Variants in GALNT13 observed in about 807,000 individuals in gnomAD.
GALNT13 encodes the protein UDP-GalNAc:polypeptide N-acetylgalactosaminyltransferase 13.
A neutral mutation model predicts 64.2 loss-of-function variants in GALNT13; 28 were observed. The ratio of observed to expected loss-of-function variants is 0.44; its 90% CI spans 0.32 to 0.60. The LOEUF (loss-of-function observed/expected upper bound fraction) is 0.60. GALNT13 is among the 20% of genes least tolerant of loss of function. The pLI is 0.05. For missense variants in GALNT13, 577 were observed against 669.8 expected, an observed-to-expected ratio of 0.86 and a Z score of 1.53; for synonymous variants, 214 against 224.6, an observed-to-expected ratio of 0.95 and a Z score of 0.42.
intron 10 of GALNT13, among the ~76,000 whole-genome samples, chr2:154,404,575 G>A (rs920436847): frequency 9.2e-5 from 14 of 152,146 alleles, no homozygotes; most frequent in Admixed American, 2.0e-4. Context: ...ATGAGAAATT[G>A]TTTCAGGCCA....
chr2:153,505,998 G>A, the GALNT13 span, among the ~76,000 whole-genome samples: 1 of 152,160 alleles, frequency 6.6e-6, no homozygotes, highest in Non-Finnish European at 1.5e-5. Flanking sequence ...CTTATGTCTT[G>A]TAATAATTGT....
At chr2:153,831,295 C>T in the GALNT13 span, among the ~76,000 whole-genome samples, 2 of 152,112 alleles carry the variant, frequency 1.3e-5, no homozygotes, top group Non-Finnish European at 2.9e-5. Context: ...CTCCTTAATG[C>T]TGGAGGTAGG....
intron 3 of GALNT13, among the ~76,000 whole-genome samples, chr2:154,004,379 T>C (rs750674750): frequency 6.6e-6 from 1 of 152,204 alleles, no homozygotes; most frequent in East Asian, 1.9e-4. Flanking sequence ...CTAATTTTTG[T>C]ATTTTTAGTA....
the GALNT13 span, among the ~76,000 whole-genome samples, chr2:153,379,223 A>G: frequency 2.0e-5 from 3 of 152,192 alleles, no homozygotes; most frequent in East Asian, 1.9e-4. Context: ...AATATTAGCC[A>G]AATAATGTTG....
intron 3 of GALNT13, among the ~76,000 whole-genome samples, chr2:154,106,087 C>T (rs1471112890): frequency 6.6e-6 from 1 of 152,068 alleles, no homozygotes; most frequent in African/African-American, 2.4e-5. Flanking sequence ...GGTAGATGTC[C>T]TTTGTCAGAT....
the GALNT13 span, among the ~76,000 whole-genome samples, chr2:153,212,115 T>C: frequency 6.6e-6 from 1 of 152,218 alleles, no homozygotes; most frequent in African/African-American, 2.4e-5. Context: ...CACATCCTAC[T>C]GTCAAATCCC....
the GALNT13 span, among the ~76,000 whole-genome samples, chr2:153,669,392 C>A: frequency 6.6e-6 from 1 of 152,330 alleles, no homozygotes; most frequent in East Asian, 1.9e-4. Flanking sequence ...ACACTGCTGT[C>A]TATTGGGTAT....
the GALNT13 span, among the ~76,000 whole-genome samples, chr2:153,085,792 G>A: frequency 2.0e-5 from 3 of 152,160 alleles, no homozygotes; most frequent in African/African-American, 7.2e-5. Context: ...ATTGCCTAAT[G>A]GAGCTGTGAG....
the GALNT13 span, among the ~76,000 whole-genome samples, chr2:153,816,294 T>A: frequency 2.0e-5 from 3 of 151,984 alleles, no homozygotes; most frequent in South Asian, 6.2e-4. Flanking sequence ...TGAGGAGATG[T>A]GTGGGTGGAG....
intron 2 of GALNT13, among the ~76,000 whole-genome samples, chr2:153,943,139 A>AGTAGTATAAATAAAATGCTCAAT (rs1193369054): frequency 1.3e-5 from 2 of 152,208 alleles, no homozygotes; most frequent in Non-Finnish European, 2.9e-5. Flanking sequence ...AAACAAATGT[A>AGTAGTATAAATAAAATGCTCAAT]GTAGTATAAA....
intron 8 of GALNT13, among the ~76,000 whole-genome samples, chr2:154,260,949 A>G (rs917792687): frequency 4.0e-5 from 6 of 151,890 alleles, no homozygotes; most frequent in Non-Finnish European, 8.8e-5. Flanking sequence ...TTTCCTCCCT[A>G]CCTGTTAAGC....
At chr2:154,235,132 C>T (rs1272898629) in intron 4 of GALNT13, among the ~76,000 whole-genome samples, 1 of 152,024 alleles carries the variant, frequency 6.6e-6, no homozygotes, top group African/African-American at 2.4e-5. Flanking sequence ...CCCAATGACC[C>T]TCTCACCCCA....
At chr2:153,647,220 A>T in the GALNT13 span, among the ~76,000 whole-genome samples, 1 of 152,164 alleles carries the variant, frequency 6.6e-6, no homozygotes, top group East Asian at 1.9e-4. Flanking sequence ...GCCAGTGATG[A>T]TGAGCATTTT....
the GALNT13 span, among the ~76,000 whole-genome samples, chr2:153,127,803 CAG>C: frequency 6.6e-6 from 1 of 152,096 alleles, no homozygotes; most frequent in African/African-American, 2.4e-5. Context: ...TTTTGTATAA[CAG>C]ATAATTTTTG....
chr2:153,796,335 C>T, the GALNT13 span, among the ~76,000 whole-genome samples: 3 of 152,148 alleles, frequency 2.0e-5, no homozygotes. Context: ...GTGCCACACA[C>T]AAAACATGCG....
the GALNT13 span, among the ~76,000 whole-genome samples, chr2:153,126,315 TATATATATATATATATA>T: frequency 1.2e-4 from 3 of 24,818 alleles, no homozygotes; most frequent in Non-Finnish European, 1.0e-4. Flanking sequence ...TATATATATA[TATATATATATATATATA>T]TATATATATA....
intron 3 of GALNT13, among the ~76,000 whole-genome samples, chr2:154,055,570 A>G (rs1699855857): frequency 1.3e-5 from 2 of 152,118 alleles, no homozygotes; most frequent in Non-Finnish European, 2.9e-5. Context: ...TAATTGGAGA[A>G]AGTATCCTAC....
At chr2:153,308,246 A>G in the GALNT13 span, among the ~76,000 whole-genome samples, 2 of 152,188 alleles carry the variant, frequency 1.3e-5, no homozygotes, top group Non-Finnish European at 2.9e-5. Context: ...TTTGAAGGGA[A>G]TCTTTCTGAA....
chr2:154,298,528 AATTGTATATAT>A (rs1559075264), intron 8 of GALNT13, among the ~76,000 whole-genome samples: 1 of 114,336 alleles, frequency 8.7e-6, no homozygotes, highest in Admixed American at 1.1e-4. Context: ...TTATATATAA[AATTGTATATAT>A]TTATATATAA....
Sources: allele counts gnomAD v4.1 joint callset (sites outside exome capture counted in the v4.1 genomes callset), GRCh38; gene constraint gnomAD v4.1.1; transcripts MANE v1.5; gene names NCBI Gene and HGNC (gene_info 2026-07-23, HGNC 2026-07-21).